Variants in TRPM3 observed in about 807,000 individuals in gnomAD.
TRPM3 encodes the protein transient receptor potential cation channel subfamily M member 3.
In TRPM3, 77 loss-of-function variants were observed where a neutral mutation model predicts 181.2. That is an observed-to-expected ratio of 0.42 (90% CI 0.35 to 0.51). The LOEUF (loss-of-function observed/expected upper bound fraction) is 0.51, where lower values mean the gene tolerates loss of function less well. TRPM3 is among the 20% of genes least tolerant of loss of function. The probability of loss-of-function intolerance (pLI) is 0.01; values close to 1 mark genes in which losing one functional copy is unlikely to be tolerated. For synonymous variants in TRPM3, 745 were observed against 796.4 expected (o/e 0.94, Z 1.09); for missense variants, 1,759 against 2,196.7 (o/e 0.80, Z 3.98).
At chr9:70,846,241 G>A in intron 4 of TRPM3, 137 bp downstream of exon 4, 3 of 752,872 alleles carry the variant, frequency 4.0e-6, no homozygotes, top group East Asian at 2.5e-5. Flanking sequence ...AAAGGAGGGA[G>A]TGATAACCAG....
chr9:71,090,485 C>A (rs1213962258), intron 1 of TRPM3, among the ~76,000 whole-genome samples: 1 of 152,178 alleles, frequency 6.6e-6, no homozygotes, highest in Non-Finnish European at 1.5e-5. Flanking sequence ...AGATCCACCA[C>A]CAACCTGGTC....
rs553586682 is a variant in TRPM3, at chr9:70,548,746, A to G, written c.3707+796T>C. ...TGTGCCAGCCTGGAATGAAGTTTCT[A>G]TTAGTCTACAGCAAAATAAGAAAAA... On this transcript the variant is annotated intron_variant, in intron 25 of 25. Coordinates refer to ENST00000677713, the MANE Select transcript of TRPM3 (RefSeq NM_001366145.2). 2.0e-5 allele frequency among the ~76,000 whole-genome samples: 3 copies of G among 152,362 alleles called. No individual in the cohort carries two copies. In the East Asian group the frequency reaches 5.8e-4, roughly 29 times the overall value.
chr9:71,028,584 A>T (rs1414351408), intron 1 of TRPM3, among the ~76,000 whole-genome samples: 1 of 152,000 alleles, frequency 6.6e-6, no homozygotes, highest in Non-Finnish European at 1.5e-5. Context: ...AAATGCAATG[A>T]CACACATAGG....
intron 1 of TRPM3, among the ~76,000 whole-genome samples, chr9:70,919,949 C>T (rs2133264517): frequency 6.6e-6 from 1 of 152,186 alleles, no homozygotes; most frequent in South Asian, 2.1e-4. Flanking sequence ...CAGATATTCC[C>T]ATATAAGTGT....
chr9:70,787,763 C>CTTTTTTTT, intron 6 of TRPM3, among the ~76,000 whole-genome samples: 8 of 68,552 alleles, frequency 1.2e-4, no homozygotes, highest in East Asian at 1.2e-3. Context: ...TTTTTGGATT[C>CTTTTTTTT]TTTTTTTTTT....
At chr9:70,944,929 A>G (rs2096918466) in intron 1 of TRPM3, among the ~76,000 whole-genome samples, 1 of 152,068 alleles carries the variant, frequency 6.6e-6, no homozygotes, top group Non-Finnish European at 1.5e-5. Context: ...AGTAAAACCA[A>G]GTGACTGAAG....
intron 1 of TRPM3, among the ~76,000 whole-genome samples, chr9:71,404,963 C>A (rs2093409756): frequency 1.3e-5 from 2 of 152,178 alleles, no homozygotes; most frequent in African/African-American, 2.4e-5. Context: ...ATCCAGGAAG[C>A]ATTGGTCCAT....
chr9:71,223,652 C>T (rs2080383890), intron 1 of TRPM3, among the ~76,000 whole-genome samples: 1 of 152,320 alleles, frequency 6.6e-6, no homozygotes, highest in Middle Eastern at 3.4e-3. Flanking sequence ...CTGGACCTAT[C>T]CTGGGCCAGA....
intron 1 of TRPM3, among the ~76,000 whole-genome samples, chr9:71,308,055 C>G (rs917059911): frequency 4.0e-5 from 6 of 151,198 alleles, no homozygotes; most frequent in Non-Finnish European, 5.9e-5. Flanking sequence ...ACTACAACCT[C>G]CATTTCCTGG....
At chr9:71,233,308 T>C (rs1280179652) in intron 1 of TRPM3, among the ~76,000 whole-genome samples, 1 of 152,334 alleles carries the variant, frequency 6.6e-6, no homozygotes, top group East Asian at 1.9e-4. Flanking sequence ...CAATCACTTG[T>C]AGCCAACAGA....
chr9:70,762,709 T>TA (rs1173211843), intron 7 of TRPM3, among the ~76,000 whole-genome samples: 1 of 152,234 alleles, frequency 6.6e-6, no homozygotes, highest in Non-Finnish European at 1.5e-5. Flanking sequence ...ACAGGAACTC[T>TA]ATAGACAAGG....
At chr9:71,101,496 T>C (rs2068375149) in intron 1 of TRPM3, among the ~76,000 whole-genome samples, 1 of 151,926 alleles carries the variant, frequency 6.6e-6, no homozygotes, top group African/African-American at 2.4e-5. Flanking sequence ...GCTAGGAGAG[T>C]ACAGGGAGTA....
chr9:70,564,959 C>T (rs183076018), intron 22 of TRPM3, among the ~76,000 whole-genome samples: 1 of 152,342 alleles, frequency 6.6e-6, no homozygotes, highest in Non-Finnish European at 1.5e-5. Context: ...TCTGCAGGCA[C>T]TAATTCCTCT....
chr9:71,097,209 G>T lies in TRPM3; in HGVS notation c.177+23969C>A, dbSNP rs187165683. 2.1e-3 allele frequency among the ~76,000 whole-genome samples: 316 copies of T among 152,098 alleles called. 2 individuals are homozygous for T. The highest frequency in any genetic ancestry group is 3.7e-3 in the Non-Finnish European group (252 of 67,996). ...AACTCAGAAAATATATAAAACAATA[G>T]AAATGGTTTGTAACTCTGTCTTGTA... On this transcript the variant is annotated intron_variant, in intron 1 of 25. Coordinates refer to ENST00000677713, the MANE Select transcript of TRPM3 (RefSeq NM_001366145.2).
At chr9:70,849,156 T>C (rs1208483076) in intron 3 of TRPM3, among the ~76,000 whole-genome samples, 2 of 152,244 alleles carry the variant, frequency 1.3e-5, no homozygotes, top group South Asian at 4.1e-4. Context: ...TTTTGTTTGT[T>C]TGTTTTGAGA....
intron 4 of TRPM3, among the ~76,000 whole-genome samples, chr9:70,843,430 C>A (rs746106139): frequency 6.6e-6 from 1 of 152,014 alleles, no homozygotes. Context: ...TAACTAGAAA[C>A]TCTTTTTCTT....
intron 25 of TRPM3, among the ~76,000 whole-genome samples, 199 bp from the exon 26 acceptor site, chr9:70,537,604 C>G (rs1451231926): frequency 6.6e-6 from 1 of 152,172 alleles, no homozygotes; most frequent in Non-Finnish European, 1.5e-5. Flanking sequence ...TCTTTTTGAG[C>G]TAGAAGAGGC....
intron 1 of TRPM3, among the ~76,000 whole-genome samples, chr9:71,039,973 G>A (rs2058645782): frequency 6.6e-6 from 1 of 152,108 alleles, no homozygotes; most frequent in Admixed American, 6.6e-5. Flanking sequence ...AAGGGAAATA[G>A]TTTTTAAAAA....
At chr9:71,196,005 A>G (rs997210387) in intron 1 of TRPM3, among the ~76,000 whole-genome samples, 2 of 151,964 alleles carry the variant, frequency 1.3e-5, no homozygotes, top group Non-Finnish European at 2.9e-5. Flanking sequence ...AGCACAAAAA[A>G]TAAGTATTGG....
Sources: gnomAD v4.1 joint callset for allele counts (sites outside exome capture counted in the v4.1 genomes callset) on GRCh38, gnomAD v4.1.1 for gene constraint, MANE v1.5 for transcripts, NCBI Gene and HGNC (gene_info 2026-07-23, HGNC 2026-07-21) for gene names.